Variants in KIAA1217 observed in about 807,000 individuals in gnomAD.
KIAA1217 encodes the protein KIAA1217.
KIAA1217 carries 88 observed loss-of-function variants against 163.9 expected under a neutral mutation model. That is an observed-to-expected ratio of 0.54 (90% CI 0.45 to 0.64). The LOEUF is 0.64. Ranked by LOEUF, KIAA1217 falls within the 30% of genes least tolerant of loss-of-function variation. KIAA1217 has a pLI of 0.00. For synonymous variants in KIAA1217, 903 were observed against 923.1 expected (o/e 0.98, Z 0.39); for missense variants, 2,372 against 2,475.0 (o/e 0.96, Z 0.88).
intron 1 of KIAA1217, among the ~76,000 whole-genome samples, chr10:23,904,688 G>A (rs1424467055): frequency 6.6e-6 from 1 of 152,114 alleles, no homozygotes; most frequent in Non-Finnish European, 1.5e-5. Flanking sequence ...AGCAAGTCAC[G>A]TGGCTACATC....
At chr10:24,256,091 C>A (rs540018891) in intron 2 of KIAA1217, among the ~76,000 whole-genome samples, 5 of 151,820 alleles carry the variant, frequency 3.3e-5, no homozygotes, top group Admixed American at 2.6e-4. Flanking sequence ...CCTCACTTCT[C>A]CCTCTGGTTC....
In KIAA1217 at chr10:23,969,939, G is replaced by A. The variant is rs534294377; in HGVS notation, c.-320-37286G>A. Among the ~76,000 whole-genome samples, 7 of 152,324 alleles carry A rather than the reference G, an allele frequency of 4.6e-5. No individual in the cohort carries two copies. In the East Asian group the frequency reaches 1.2e-3, roughly 25 times the overall value. ...ACATCTTACATGGTAGCAGGCAAGA[G>A]AGAGAATGAAAGCCAAGCAAAAGGG... On this transcript the variant is annotated intron_variant, in intron 1 of 18. Transcript: ENST00000376462.
intron 5 of KIAA1217, among the ~76,000 whole-genome samples, chr10:24,471,193 T>A (rs1415116322): frequency 6.6e-6 from 1 of 152,054 alleles, no homozygotes; most frequent in African/African-American, 2.4e-5. Flanking sequence ...CATCATGGGG[T>A]CTCTTGGCTG....
intron 4 of KIAA1217, among the ~76,000 whole-genome samples, chr10:24,434,025 C>CTTTT (rs569791889): frequency 3.7e-4 from 27 of 72,632 alleles, no homozygotes; most frequent in East Asian, 9.3e-4. Flanking sequence ...CTCTCTCTCT[C>CTTTT]TTTTTTTTTT....
At chr10:24,187,294 G>C (rs1308182892) in intron 2 of KIAA1217, among the ~76,000 whole-genome samples, 3 of 152,146 alleles carry the variant, frequency 2.0e-5, no homozygotes, top group African/African-American at 7.2e-5. Flanking sequence ...AACCTTTGTA[G>C]CTGACTGGGC....
At chr10:23,855,769 C>A (rs2131114741) in intron 1 of KIAA1217, among the ~76,000 whole-genome samples, 1 of 152,280 alleles carries the variant, frequency 6.6e-6, no homozygotes, top group South Asian at 2.1e-4. Flanking sequence ...ATTTCATCTT[C>A]CATCACTGAT....
chr10:24,098,070 C>T (rs971511287), intron 2 of KIAA1217, among the ~76,000 whole-genome samples: 2 of 152,038 alleles, frequency 1.3e-5, no homozygotes, highest in Non-Finnish European at 2.9e-5. Context: ...ACCCACAGAA[C>T]GTAAAGCCGT....
intron 6 of KIAA1217, among the ~76,000 whole-genome samples, chr10:24,478,396 G>T (rs2133221837): frequency 1.3e-5 from 2 of 152,292 alleles, no homozygotes; most frequent in South Asian, 4.1e-4. Context: ...ATGCTTCAAT[G>T]AGCATCTAGT....
chr10:23,873,577 C>A (rs1343946982), intron 1 of KIAA1217, among the ~76,000 whole-genome samples: 1 of 152,000 alleles, frequency 6.6e-6, no homozygotes, highest in Non-Finnish European at 1.5e-5. Flanking sequence ...AGGGCCAAGA[C>A]AAGGCATCAT....
chr10:24,056,013 A>G (rs1437145975), intron 2 of KIAA1217, among the ~76,000 whole-genome samples: 1 of 152,114 alleles, frequency 6.6e-6, no homozygotes, highest in Non-Finnish European at 1.5e-5. Context: ...TCTGGCAGAA[A>G]GTAAAGAAAT....
At chr10:24,148,338 T>C (rs1228655451) in intron 2 of KIAA1217, among the ~76,000 whole-genome samples, 1 of 151,150 alleles carries the variant, frequency 6.6e-6, no homozygotes, top group Non-Finnish European at 1.5e-5. Context: ...TTTGTAAAGC[T>C]AAAAAAAAAC....
intron 1 of KIAA1217, among the ~76,000 whole-genome samples, chr10:23,997,994 TC>T (rs199777676): frequency 9.1e-5 from 13 of 142,570 alleles, no homozygotes; most frequent in Admixed American, 7.7e-4. Flanking sequence ...TTTTTTTTTT[TC>T]CCCCCAAAAC....
intron 2 of KIAA1217, among the ~76,000 whole-genome samples, chr10:24,274,217 C>A (rs1256873842): frequency 1.3e-5 from 2 of 152,140 alleles, no homozygotes; most frequent in Non-Finnish European, 2.9e-5. Flanking sequence ...AAAATATTGC[C>A]ATTGCTGGCC....
rs755590378 is a variant in KIAA1217, at chr10:24,543,981, A to G, written c.4711A>G (p.Lys1571Glu). Residue 1571 changes from lysine to glutamate, a missense_variant, in exon 19 of 21, where the codon AAA becomes GAA. This residue lies in a region of KIAA1217 where 690 missense variants were observed against 677.5 expected (regional missense o/e 1.02). Coordinates refer to ENST00000376454, the MANE Select transcript of KIAA1217 (RefSeq NM_019590.5). ...ATDDQFESPKKKFKFKFPKKQ... is the reference protein window; with the variant it reads ...ATDDQFESPKEKFKFKFPKKQ... ...CGATGACCAGTTTGAAAGCCCCAAG[A>G]AAAAGTTTAAATTCAAATTCCCTAA... 6 of 1,614,112 alleles carry G rather than the reference A, an allele frequency of 3.7e-6. No homozygotes were observed. Among genetic ancestry groups the G allele is most frequent in the Non-Finnish European group, 5.1e-6 (6 of 1,180,022 alleles).
chr10:24,451,787 G>A (rs1330105779), intron 5 of KIAA1217, among the ~76,000 whole-genome samples: 1 of 152,210 alleles, frequency 6.6e-6, no homozygotes, highest in African/African-American at 2.4e-5. Flanking sequence ...TATAAGTATA[G>A]GTGTTGGCGG....
Position 24,543,810 on chromosome 10 carries a change from G to A in KIAA1217, c.4540G>A (p.Gly1514Arg), listed in dbSNP as rs146649665. Residue 1514 changes from glycine (G) to arginine (R), a missense_variant, in exon 19 of 21, where the codon GGA becomes AGA. Gly to Arg is a moderately radical substitution (Grantham distance 125, BLOSUM62 -2). This residue lies in a region of KIAA1217 where 690 missense variants were observed against 677.5 expected (regional missense o/e 1.02). Transcript: ENST00000376454. ...KKVAPGNLRTGQQVETKSQPH... is the reference protein window; with the variant it reads ...KKVAPGNLRTRQQVETKSQPH... The stretch of plus-strand genomic sequence containing the variant: ...GGTGGCCCCAGGCAATCTTAGAACC[G>A]GACAACAGGTGGAAACAAAGTCACA... The A allele has an allele frequency of 2.5e-5, 41 of 1,613,632 alleles. No homozygotes were observed. In the Middle Eastern group the frequency reaches 4.9e-4, roughly 19 times the overall value.
At chr10:24,274,393 G>T (rs982869868) in intron 2 of KIAA1217, among the ~76,000 whole-genome samples, 1 of 151,192 alleles carries the variant, frequency 6.6e-6, no homozygotes, top group African/African-American at 2.4e-5. Context: ...CTGTCACCCA[G>T]ATTGGCTGTG....
intron 1 of KIAA1217, among the ~76,000 whole-genome samples, chr10:23,894,962 C>T (rs1257285140): frequency 3.3e-5 from 5 of 152,240 alleles, no homozygotes; most frequent in Admixed American, 2.6e-4. Flanking sequence ...AACTGGATCC[C>T]TTCCTTACAC....
intron 4 of KIAA1217, among the ~76,000 whole-genome samples, chr10:24,435,912 G>GACCA (rs1564674956): frequency 6.6e-6 from 1 of 151,716 alleles, no homozygotes; most frequent in East Asian, 1.9e-4. Flanking sequence ...CCAGGTTGGA[G>GACCA]TGCAGTGGCA....
Sources: gnomAD v4.1 joint callset for allele counts (sites outside exome capture counted in the v4.1 genomes callset) on GRCh38, gnomAD v4.1.1 for gene constraint, gnomAD v4.1.1 regional missense constraint, MANE v1.5 for transcripts, NCBI Gene and HGNC (gene_info 2026-07-23, HGNC 2026-07-21) for gene names.